DENND6A: variants seen among roughly 807,000 people sequenced by gnomAD.
DENND6A encodes protein DENND6A.
A neutral mutation model predicts 95.5 loss-of-function variants in DENND6A; 43 were observed. That is an observed-to-expected ratio of 0.45 (90% CI 0.35 to 0.58). DENND6A has a LOEUF of 0.58. Among genes scored for constraint, DENND6A ranks in the 20% least tolerant of loss-of-function variants. The probability of loss-of-function intolerance (pLI) is 0.00; values close to 1 mark genes in which losing one functional copy is unlikely to be tolerated. For missense variants in DENND6A, 574 were observed against 736.0 expected (o/e 0.78, Z 2.55); for synonymous variants, 257 against 260.4 (o/e 0.99, Z 0.13).
chr3:57,659,690 C>T (rs2071388523), intron 7 of DENND6A, among the ~76,000 whole-genome samples: 1 of 152,170 alleles, frequency 6.6e-6, no homozygotes, highest in African/African-American at 2.4e-5. Context: ...CAGTGACTTG[C>T]AAAGCACTTA....
At chr3:57,637,148 G>A (rs1014606778) in intron 12 of DENND6A, among the ~76,000 whole-genome samples, 7 of 152,068 alleles carry the variant, frequency 4.6e-5, no homozygotes, top group East Asian at 1.9e-4. Context: ...CACAATAAGA[G>A]TTTATTTATG....
At chr3:57,662,301 C>T (rs1282893550) in intron 5 of DENND6A, among the ~76,000 whole-genome samples, 2 of 148,038 alleles carry the variant, frequency 1.4e-5, no homozygotes, top group African/African-American at 2.5e-5. Flanking sequence ...GGTGATCCTC[C>T]GACCTCAGCC....
intron 9 of DENND6A, among the ~76,000 whole-genome samples, chr3:57,651,321 C>G (rs1317741576): frequency 2.0e-5 from 3 of 152,146 alleles, no homozygotes; most frequent in East Asian, 1.9e-4. Context: ...AGGACATAAC[C>G]CCCTTATAAG....
intron 1 of DENND6A, among the ~76,000 whole-genome samples, chr3:57,673,513 A>G (rs78508495): frequency 6.8e-4 from 103 of 152,340 alleles, no homozygotes; most frequent in African/African-American, 2.4e-3. Flanking sequence ...AGTGTTTGGT[A>G]GCACAATAGG....
In DENND6A at chr3:57,644,896, TC is replaced by T. The variant is rs575275837; in HGVS notation, c.1037+764del. 4.9e-3 allele frequency among the ~76,000 whole-genome samples: 732 copies of T among 149,936 alleles called. 6 individuals are homozygous for T. The highest frequency in any genetic ancestry group is 0.017 in the African/African-American group (696 of 40,838). On this transcript the variant is annotated intron_variant, in intron 11 of 19. Coordinates refer to ENST00000311128, the MANE Select transcript of DENND6A (RefSeq NM_152678.3). ...GAAACAGTGAGAAGGGTATTGATGA[TC>T]TGGCAAGAACAAATTCAGTGAATAT...
At chr3:57,640,365 G>A (rs1559808028) in intron 12 of DENND6A, among the ~76,000 whole-genome samples, 1 of 151,952 alleles carries the variant, frequency 6.6e-6, no homozygotes, top group Non-Finnish European at 1.5e-5. Flanking sequence ...GGCCAAGGTG[G>A]GCAGATCACC....
At chr3:57,644,390 C>T (rs1473749072) in intron 11 of DENND6A, among the ~76,000 whole-genome samples, 1 of 151,874 alleles carries the variant, frequency 6.6e-6, no homozygotes, top group Non-Finnish European at 1.5e-5. Context: ...ACTGCAACCT[C>T]TGCCTCCTAG....
At chr3:57,687,856 C>T (rs2077225160) in intron 1 of DENND6A, among the ~76,000 whole-genome samples, 2 of 150,044 alleles carry the variant, frequency 1.3e-5, no homozygotes, top group Admixed American at 6.7e-5. Context: ...TCACCTGAGC[C>T]GAGAGTTCAA....
At chr3:57,663,151 CAAAAAA>C (rs754194795) in intron 5 of DENND6A, among the ~76,000 whole-genome samples, 1 of 40,122 alleles carries the variant, frequency 2.5e-5, no homozygotes, top group Non-Finnish European at 5.1e-5. Context: ...AACTCCATAT[CAAAAAA>C]AAAAAAAAAA....
At chr3:57,679,653 T>C in intron 1 of DENND6A, 1 of 741,038 alleles carries the variant, frequency 1.3e-6, no homozygotes, top group Non-Finnish European at 1.6e-6. Flanking sequence ...AGTTTCTGCT[T>C]CCATAACATG....
chr3:57,646,920 C>T (rs780889062), intron 9 of DENND6A, among the ~76,000 whole-genome samples: 8 of 152,062 alleles, frequency 5.3e-5, no homozygotes, highest in Non-Finnish European at 1.0e-4. Flanking sequence ...TGAACAAGAG[C>T]GAAACTCCTG....
In DENND6A at chr3:57,626,731, T is replaced by G. The variant is rs1049143318; in HGVS notation, c.*1483A>C. ...TCTCAAAAAAAAAAAAAGTGGCTTCTGTAGGATACTCTTATTCAAACACAA... is the reference window on the plus strand; with the variant it reads ...TCTCAAAAAAAAAAAAAGTGGCTTCGGTAGGATACTCTTATTCAAACACAA... On this transcript the variant is annotated 3_prime_UTR_variant, in exon 20 of 20. Transcript: ENST00000311128. 3 of 151,032 alleles carry G rather than the reference T, an allele frequency of 2.0e-5. No homozygotes were observed. The highest frequency in any genetic ancestry group is 7.3e-5 in the African/African-American group (3 of 41,004). 9.4% of individuals were successfully genotyped at this position (151,032 alleles called of 1,614,324 possible).
In DENND6A at chr3:57,660,768, C is replaced by G; in HGVS notation, c.691G>C (p.Val231Leu). The change falls in exon 7 of 20, where the codon GTA becomes CTA. Residue 231 changes from valine to leucine, a missense_variant. Val to Leu is a conservative substitution (Grantham distance 32). Around this residue, in one of 2 missense-constraint regions of DENND6A, gnomAD observed 452 missense variants for 630.9 expected, o/e 0.72. Transcript: ENST00000311128. ...GAGATATAAGATATTACCTTCATTA[C>G]CACCCCCATGATTGGCAGGTGTAAT... ...KTLHLPIMGVVMKVRIPTCHD... is the reference protein window; with the variant it reads ...KTLHLPIMGVLMKVRIPTCHD... 6.2e-7 allele frequency: 1 copy of G among 1,607,100 alleles called. No homozygotes were observed. Among genetic ancestry groups the G allele is most frequent in the Non-Finnish European group, 8.5e-7 (1 of 1,176,940 alleles).
chr3:57,691,701 C>A (rs34434710), intron 1 of DENND6A, among the ~76,000 whole-genome samples: 50,183 of 138,086 alleles, frequency 0.36, 9,198 homozygotes, highest in East Asian at 0.57. Flanking sequence ...AAACCAAAAC[C>A]AAAACGTCTA....
Position 57,692,948 on chromosome 3 carries a change from GC to G in DENND6A, c.70del (p.Ala24ProfsTer57). ...AAGGGCCGGCGCCTCGCGGCCCTCGGCCCCTGCCACCGCTTCGTCCAACGGC... is the reference window on the plus strand; with the variant it reads ...AAGGGCCGGCGCCTCGCGGCCCTCGGCCCTGCCACCGCTTCGTCCAACGGC... The part of the protein sequence containing the change: ...RRPLDEAVAG[A>X]EGREAPALVA... On this transcript the variant is annotated frameshift_variant, in exon 1 of 20. Transcript: ENST00000311128. LOFTEE classifies it high-confidence loss of function. 6.4e-7 allele frequency: 1 copy of G among 1,550,710 alleles called. No homozygotes were observed.
chr3:57,640,312 G>A (rs1575821035), intron 12 of DENND6A, among the ~76,000 whole-genome samples: 1 of 150,860 alleles, frequency 6.6e-6, no homozygotes, highest in African/African-American at 2.4e-5. Context: ...AAAGGTAGTG[G>A]CAGGGAGTGG....
intron 4 of DENND6A, 149 bp from the exon 5 acceptor site, chr3:57,663,865 G>A (rs1478546356): frequency 1.7e-5 from 7 of 420,412 alleles, no homozygotes; most frequent in African/African-American, 4.1e-5. Flanking sequence ...AGCTAGTTAC[G>A]CTTTTCCAGC....
chr3:57,631,338 A>G (rs1377047177), intron 15 of DENND6A, among the ~76,000 whole-genome samples: 2 of 152,132 alleles, frequency 1.3e-5, no homozygotes, highest in Non-Finnish European at 2.9e-5. Context: ...CTGGGATTAC[A>G]GGCGTGCGCC....
Position 57,628,089 on chromosome 3 carries a change from G to T in DENND6A, c.*125C>A. Reference sequence around the variant, plus strand: ...TTATACAATACAGTCTTTCTACCCTGTAACTAGCATTCATGGCAATTTTCC... The same window carrying T: ...TTATACAATACAGTCTTTCTACCCTTTAACTAGCATTCATGGCAATTTTCC... On this transcript the variant is annotated 3_prime_UTR_variant, in exon 20 of 20. Coordinates refer to ENST00000311128, the MANE Select transcript of DENND6A (RefSeq NM_152678.3). The T allele has an allele frequency of 1.1e-6, 1 of 907,484 alleles. No homozygotes were observed. The highest frequency in any genetic ancestry group is 1.5e-6 in the Non-Finnish European group (1 of 659,906). The allele number at this position is 907,484 out of a possible 1,614,324, so 56.2% of individuals were successfully genotyped here.
Sources: allele counts gnomAD v4.1 joint callset (sites outside exome capture counted in the v4.1 genomes callset), GRCh38; gene constraint gnomAD v4.1.1; regional missense constraint gnomAD v4.1.1; transcripts MANE v1.5; gene names NCBI Gene and HGNC (gene_info 2026-07-23, HGNC 2026-07-21).